NAALADL2: variants seen among roughly 807,000 people sequenced by gnomAD.
NAALADL2 encodes the protein N-acetylated alpha-linked acidic dipeptidase like 2, also known as inactive N-acetylated-alpha-linked acidic dipeptidase-like protein 2.
Under a neutral mutation model 87.2 loss-of-function variants are expected in NAALADL2, and 76 were observed. The ratio of observed to expected loss-of-function variants is 0.87; its 90% CI spans 0.72 to 1.05. NAALADL2 has a LOEUF of 1.05. NAALADL2 is among the 50% of genes least tolerant of loss of function. The pLI, the probability that NAALADL2 is intolerant of heterozygous loss-of-function variation, is 0.00. For missense variants in NAALADL2, 1,089 were observed against 945.8 expected (o/e 1.15, Z -1.99); for synonymous variants, 354 against 331.0 (o/e 1.07, Z -0.75).
At chr3:175,169,456 AATATAT>A (rs141242519) in intron 2 of NAALADL2, among the ~76,000 whole-genome samples, 3 of 147,114 alleles carry the variant, frequency 2.0e-5, no homozygotes, top group South Asian at 4.3e-4. Context: ...TAGTTGTAAG[AATATAT>A]ATATATATAT....
chr3:174,943,245 G>T (rs139371947), intron 1 of NAALADL2, among the ~76,000 whole-genome samples: 7 of 152,286 alleles, frequency 4.6e-5, no homozygotes, highest in African/African-American at 1.7e-4. Flanking sequence ...GAGGCTTTGT[G>T]CAGGGTCTTT....
At chr3:174,706,508 A>G (rs1730082866) in intron 2 of NAALADL2, among the ~76,000 whole-genome samples, 1 of 152,188 alleles carries the variant, frequency 6.6e-6, no homozygotes, top group African/African-American at 2.4e-5. Context: ...CATGAAAGTA[A>G]AAAAGCTCAC....
intron 5 of NAALADL2, among the ~76,000 whole-genome samples, chr3:175,440,397 AT>A (rs371672623): frequency 2.2e-4 from 33 of 151,190 alleles, no homozygotes; most frequent in African/African-American, 2.2e-4. Context: ...GAATTTTAGA[AT>A]TTTTTTTTCT....
rs140821663 is a variant in NAALADL2 at position 175,043,199 on chromosome 3, TA to T, written c.44-53587del. On this transcript the variant is annotated intron_variant, in intron 1 of 13. Coordinates refer to ENST00000454872, the MANE Select transcript of NAALADL2 (RefSeq NM_207015.3). ...TAACACAAAGTCCTTTGCCCATTTT[TA>T]AAATATGGTTATTTGATTTTTTGCC... Among the ~76,000 whole-genome samples, 279 of 152,284 alleles carry T rather than the reference TA, an allele frequency of 1.8e-3. 1 individual carries two copies. Among genetic ancestry groups the T allele is most frequent in the African/African-American group, 6.3e-3 (261 of 41,568 alleles).
chr3:175,691,357 T>C (rs1737020559), intron 11 of NAALADL2, among the ~76,000 whole-genome samples: 1 of 151,524 alleles, frequency 6.6e-6, no homozygotes, highest in Non-Finnish European at 1.5e-5. Context: ...TTTGTAGTCA[T>C]AGCTTTTATT....
chr3:174,731,018 G>A (rs1385508622), intron 2 of NAALADL2, among the ~76,000 whole-genome samples: 1 of 152,036 alleles, frequency 6.6e-6, no homozygotes, highest in Admixed American at 6.6e-5. Context: ...GGGAGTGCTA[G>A]CTAATTATTA....
intron 5 of NAALADL2, among the ~76,000 whole-genome samples, chr3:175,406,389 G>A (rs1486543510): frequency 6.6e-6 from 1 of 152,144 alleles, no homozygotes; most frequent in Non-Finnish European, 1.5e-5. Flanking sequence ...AGAACTCTGT[G>A]AAGTTAGAGA....
In NAALADL2 at chr3:175,440,428, G is replaced by A. The variant is rs142575375; in HGVS notation, c.1091-6801G>A. ...TTTTCTAGTTCTGTTAAGAATGATG[G>A]TGGTATTTTGATCGAAATTACATTG... On this transcript the variant is annotated intron_variant, in intron 5 of 13. Transcript: ENST00000454872. 1.8e-3 allele frequency among the ~76,000 whole-genome samples: 278 copies of A among 152,080 alleles called. 2 individuals are homozygous for A. The highest frequency in any genetic ancestry group is 5.6e-3 in the African/African-American group (231 of 41,520).
intron 2 of NAALADL2, among the ~76,000 whole-genome samples, chr3:175,147,940 G>T (rs1189011371): frequency 3.3e-5 from 5 of 151,698 alleles, no homozygotes; most frequent in Non-Finnish European, 1.5e-5. Flanking sequence ...CATAGTGATG[G>T]ACGCCTGTAA....
chr3:174,839,370 A>G (rs113775368), intron 3 of NAALADL2, among the ~76,000 whole-genome samples: 2,824 of 152,302 alleles, frequency 0.019, 97 homozygotes, highest in African/African-American at 0.065. Context: ...CTTAAACCTA[A>G]GACTTGAAAC....
chr3:175,213,181 G>T (rs539670250), intron 2 of NAALADL2, among the ~76,000 whole-genome samples: 1 of 152,044 alleles, frequency 6.6e-6, no homozygotes, highest in African/African-American at 2.4e-5. Flanking sequence ...CCAAGATCTC[G>T]CATTTAGTTA....
intron 2 of NAALADL2, among the ~76,000 whole-genome samples, chr3:175,229,305 A>G (rs925918753): frequency 6.6e-6 from 1 of 151,998 alleles, no homozygotes; most frequent in Non-Finnish European, 1.5e-5. Flanking sequence ...CATAGAAAAA[A>G]TGAAGAAAAT....
At chr3:175,438,462 A>C (rs1719124592) in intron 5 of NAALADL2, among the ~76,000 whole-genome samples, 2 of 152,120 alleles carry the variant, frequency 1.3e-5, no homozygotes, top group Non-Finnish European at 2.9e-5. Context: ...AGCCCTCTGG[A>C]GAAAGTCAAA....
chr3:175,532,590 T>G (rs1326788751), intron 9 of NAALADL2, among the ~76,000 whole-genome samples: 1 of 152,174 alleles, frequency 6.6e-6, no homozygotes, highest in Admixed American at 6.5e-5. Context: ...CCTATCAATT[T>G]TACTTTTAGG....
At chr3:174,783,856 T>C (rs547910196) in intron 3 of NAALADL2, among the ~76,000 whole-genome samples, 17 of 152,082 alleles carry the variant, frequency 1.1e-4, no homozygotes, top group East Asian at 5.8e-4. Flanking sequence ...CAGGGCATCA[T>C]TTTTTTCAGA....
chr3:174,919,541 A>G (rs1467056715), intron 1 of NAALADL2, among the ~76,000 whole-genome samples: 3 of 152,072 alleles, frequency 2.0e-5, no homozygotes. Flanking sequence ...TTCAGTCCCC[A>G]TTTCTAATTT....
Position 174,736,259 on chromosome 3 carries a change from G to C in NAALADL2, c.-114-1382G>C, listed in dbSNP as rs114363109. ...ATGTGGCGAGCAAGGGGCATGTTTC[G>C]GCCCTGTTAGTGTTATACCTCCTTT... On this transcript the variant is annotated intron_variant, in intron 2 of 3. Coordinates refer to the NAALADL2 transcript ENST00000434257. Among the ~76,000 whole-genome samples, 511 of 152,140 alleles carry C rather than the reference G, an allele frequency of 3.4e-3. 3 individuals carry two copies. The highest frequency in any genetic ancestry group is 6.8e-3 in the Middle Eastern group (2 of 294).
chr3:175,273,282 C>A (rs1560271944), intron 4 of NAALADL2, among the ~76,000 whole-genome samples: 1 of 152,044 alleles, frequency 6.6e-6, no homozygotes, highest in Non-Finnish European at 1.5e-5. Context: ...AATTTATCTC[C>A]ACACATATGC....
intron 9 of NAALADL2, among the ~76,000 whole-genome samples, chr3:175,497,995 C>T (rs1259406896): frequency 6.6e-6 from 1 of 151,834 alleles, no homozygotes; most frequent in Admixed American, 6.6e-5. Context: ...AAAGAAATTG[C>T]AATAATTGAT....
Sources: allele counts gnomAD v4.1 joint callset (sites outside exome capture counted in the v4.1 genomes callset), GRCh38; gene constraint gnomAD v4.1.1; transcripts MANE v1.5; gene names NCBI Gene and HGNC (gene_info 2026-07-23, HGNC 2026-07-21).